Variants in MCTP1 observed in about 807,000 individuals in gnomAD.
MCTP1 encodes multiple C2 and transmembrane domain containing 1.
In MCTP1, 69 loss-of-function variants were observed where a neutral mutation model predicts 120.6. The ratio of observed to expected loss-of-function variants is 0.57; its 90% CI spans 0.47 to 0.70. MCTP1 has a LOEUF of 0.70. Ranked by LOEUF, MCTP1 falls within the 30% of genes least tolerant of loss-of-function variation. The pLI, the probability that MCTP1 is intolerant of heterozygous loss-of-function variation, is 0.00. For missense variants in MCTP1, 1,203 were observed against 1,248.8 expected (o/e 0.96, Z 0.55); for synonymous variants, 529 against 493.1 (o/e 1.07, Z -0.96).
intron 1 of MCTP1, among the ~76,000 whole-genome samples, chr5:95,244,779 A>G (rs1299548258): frequency 6.6e-6 from 1 of 152,200 alleles, no homozygotes; most frequent in East Asian, 1.9e-4. Flanking sequence ...AACAAAAGGC[A>G]GCAGACAGCT....
chr5:95,067,615 T>A (rs1751010188), intron 1 of MCTP1, among the ~76,000 whole-genome samples: 1 of 152,128 alleles, frequency 6.6e-6, no homozygotes, highest in Middle Eastern at 3.4e-3. Context: ...CTTATATTTT[T>A]AAATATTTTA....
At chr5:95,157,205 T>C (rs1420620559) in intron 1 of MCTP1, among the ~76,000 whole-genome samples, 1 of 152,192 alleles carries the variant, frequency 6.6e-6, no homozygotes, top group African/African-American at 2.4e-5. Flanking sequence ...AATCCAAATA[T>C]ATTATAAAGT....
At chr5:94,867,352 C>T in intron 17 of MCTP1, 1 of 1,533,208 alleles carries the variant, frequency 6.5e-7, no homozygotes, top group Non-Finnish European at 8.7e-7. Flanking sequence ...GTTCCATGTG[C>T]TCAGACATTA....
At chr5:95,033,126 C>T (rs1354871099) in intron 1 of MCTP1, among the ~76,000 whole-genome samples, 2 of 151,532 alleles carry the variant, frequency 1.3e-5, no homozygotes, top group African/African-American at 4.8e-5. Context: ...CAAATAAAAG[C>T]CCTCAATTCT....
intron 1 of MCTP1, among the ~76,000 whole-genome samples, chr5:95,047,540 GT>G (rs1744869549): frequency 6.6e-6 from 1 of 152,072 alleles, no homozygotes; most frequent in African/African-American, 2.4e-5. Flanking sequence ...ATAAAAACTA[GT>G]GGGTCTGTTT....
chr5:94,761,621 A>C (rs1383649867), intron 19 of MCTP1, among the ~76,000 whole-genome samples: 1 of 152,226 alleles, frequency 6.6e-6, no homozygotes, highest in African/African-American at 2.4e-5. Flanking sequence ...CGTATTTCTT[A>C]ATGCTACATG....
chr5:95,169,408 C>T (rs1173478531), intron 1 of MCTP1, among the ~76,000 whole-genome samples: 1 of 152,138 alleles, frequency 6.6e-6, no homozygotes, highest in Non-Finnish European at 1.5e-5. Context: ...ATGTTGGCCT[C>T]ATAAAATGAG....
chr5:95,032,122 A>G (rs1581936800), intron 1 of MCTP1, among the ~76,000 whole-genome samples: 2 of 152,058 alleles, frequency 1.3e-5, no homozygotes, highest in South Asian at 4.1e-4. Flanking sequence ...AAAAGAGATA[A>G]CCAGCCATAC....
chr5:95,022,211 T>A (rs553399898), intron 1 of MCTP1, among the ~76,000 whole-genome samples: 1 of 152,268 alleles, frequency 6.6e-6, no homozygotes, highest in South Asian at 2.1e-4. Context: ...GCAATTGTGG[T>A]TTCTACCATT....
intron 1 of MCTP1, among the ~76,000 whole-genome samples, chr5:95,239,541 G>C (rs1755931223): frequency 6.6e-6 from 1 of 152,134 alleles, no homozygotes; most frequent in African/African-American, 2.4e-5. Context: ...ACAGAAACAG[G>C]AGTCATTCCT....
intron 1 of MCTP1, among the ~76,000 whole-genome samples, chr5:95,143,140 C>A (rs1760082395): frequency 6.6e-6 from 1 of 152,104 alleles, no homozygotes; most frequent in Non-Finnish European, 1.5e-5. Flanking sequence ...GGACACCAGC[C>A]CACCATGAAG....
chr5:95,247,509 CT>C (rs1756935198), intron 1 of MCTP1, among the ~76,000 whole-genome samples: 1 of 152,124 alleles, frequency 6.6e-6, no homozygotes, highest in African/African-American at 2.4e-5. Context: ...ATCTTTCCTG[CT>C]TTCTCTTGTG....
intron 2 of MCTP1, among the ~76,000 whole-genome samples, chr5:94,982,308 T>C (rs1348217044): frequency 2.0e-5 from 3 of 152,182 alleles, no homozygotes; most frequent in Non-Finnish European, 4.4e-5. Context: ...TTATCTTGTT[T>C]ATCTTGGTAC....
At chr5:94,921,285 A>C (rs1173830440) in intron 7 of MCTP1, among the ~76,000 whole-genome samples, 1 of 152,198 alleles carries the variant, frequency 6.6e-6, no homozygotes, top group Non-Finnish European at 1.5e-5. Context: ...ATGAATAACA[A>C]ATGTTATGTT....
chr5:95,045,810 T>C (rs1843039567), intron 1 of MCTP1, among the ~76,000 whole-genome samples: 1 of 152,192 alleles, frequency 6.6e-6, no homozygotes, highest in Non-Finnish European at 1.5e-5. Context: ...AGAGTGCTCC[T>C]TCTGTATTTC....
At chr5:94,974,636 A>G (rs1348439181) in intron 2 of MCTP1, among the ~76,000 whole-genome samples, 1 of 152,134 alleles carries the variant, frequency 6.6e-6, no homozygotes, top group Non-Finnish European at 1.5e-5. Flanking sequence ...CAAGAGAAAA[A>G]GCCTATAATT....
chr5:95,274,919 C>G (rs1198415127), intron 1 of MCTP1, among the ~76,000 whole-genome samples: 1 of 152,154 alleles, frequency 6.6e-6, no homozygotes, highest in East Asian at 1.9e-4. Flanking sequence ...TGTATAGAGC[C>G]AAATTGCTTG....
chr5:94,853,883 C>T (rs1472385558), intron 17 of MCTP1, among the ~76,000 whole-genome samples: 1 of 151,812 alleles, frequency 6.6e-6, no homozygotes, highest in Non-Finnish European at 1.5e-5. Context: ...CAGATATGAT[C>T]ATCAGATTAT....
intron 1 of MCTP1, among the ~76,000 whole-genome samples, chr5:95,200,160 C>CAAAAAAA (rs61616371): frequency 8.2e-6 from 1 of 122,216 alleles, no homozygotes. Context: ...GACACTATCT[C>CAAAAAAA]AAAAAAAAAA....
Sources: allele counts gnomAD v4.1 joint callset (sites outside exome capture counted in the v4.1 genomes callset), GRCh38; gene constraint gnomAD v4.1.1; transcripts MANE v1.5; gene names NCBI Gene and HGNC (gene_info 2026-07-23, HGNC 2026-07-21).